Variants in HLCS observed in about 807,000 individuals in gnomAD.
HLCS encodes the protein holocarboxylase synthetase, also known as biotin--protein ligase.
HLCS carries 53 observed loss-of-function variants against 75.0 expected under a neutral mutation model. The ratio of observed to expected loss-of-function variants is 0.71; its 90% CI spans 0.57 to 0.89. HLCS has a LOEUF of 0.89. Among genes scored for constraint, HLCS ranks in the 40% least tolerant of loss-of-function variants. HLCS has a pLI of 0.00. For synonymous variants in HLCS, 431 were observed against 428.6 expected, an observed-to-expected ratio of 1.01 and a Z score of -0.07; for missense variants, 966 against 1,074.0, an observed-to-expected ratio of 0.90 and a Z score of 1.41.
chr21:36,961,249 G>A (rs1467376435), intron 2 of HLCS, among the ~76,000 whole-genome samples: 1 of 152,218 alleles, frequency 6.6e-6, no homozygotes, highest in Admixed American at 6.5e-5. Flanking sequence ...AGCCACTCAG[G>A]TTGATTTAGG....
chr21:36,785,085 A>ATGCCC (rs1358202981), intron 6 of HLCS, among the ~76,000 whole-genome samples: 2 of 152,038 alleles, frequency 1.3e-5, no homozygotes, highest in Non-Finnish European at 2.9e-5. Flanking sequence ...ACAAGGAAGA[A>ATGCCC]TGCCCTGCCC....
In HLCS at chr21:36,850,015, T is replaced by TA. The variant is rs2062934308; in HGVS notation, c.1892+46844_1892+46845insT. 5.9e-5 allele frequency among the ~76,000 whole-genome samples: 9 copies of TA among 152,284 alleles called. 1 individual carries two copies. The South Asian group carries it at 1.9e-3, about 32-fold the overall frequency. On this transcript the variant is annotated intron_variant, in intron 6 of 10. Coordinates refer to ENST00000674895, the MANE Select transcript of HLCS (RefSeq NM_001352514.2). ...ATTTTGTTCCTTTCAACTTTCTTCT[T>TA]TTCATGCCCAACTCCCCTCCCTAAA...
chr21:36,909,633 C>T lies in HLCS; in HGVS notation c.1621-12502G>A, dbSNP rs561501710. 4.5e-4 allele frequency among the ~76,000 whole-genome samples: 68 copies of T among 152,236 alleles called. No homozygotes were observed. The South Asian group carries it at 0.011, about 25-fold the overall frequency. ...TTGGAGGCAGCGTCTTGCTTTGTTGCCCAGGCTGGAGTGCAATGACGTGAT... is the reference window on the plus strand; with the variant it reads ...TTGGAGGCAGCGTCTTGCTTTGTTGTCCAGGCTGGAGTGCAATGACGTGAT... On this transcript the variant is annotated intron_variant, in intron 5 of 10. Coordinates refer to ENST00000674895, the MANE Select transcript of HLCS (RefSeq NM_001352514.2).
At chr21:36,827,901 C>T (rs1427440650) in intron 6 of HLCS, among the ~76,000 whole-genome samples, 1 of 151,284 alleles carries the variant, frequency 6.6e-6, no homozygotes, top group African/African-American at 2.4e-5. Context: ...GCAAGCTCCA[C>T]CTCCCGGGTT....
At chr21:36,830,485 G>A (rs1336087716) in intron 6 of HLCS, among the ~76,000 whole-genome samples, 2 of 152,124 alleles carry the variant, frequency 1.3e-5, no homozygotes, top group Non-Finnish European at 2.9e-5. Context: ...CTTAGCAGCA[G>A]GGAGCTCTGT....
Position 36,756,674 on chromosome 21 carries a change from G to T in HLCS, c.2318C>A (p.Ala773Glu). The change falls in exon 10 of 11, where the codon GCA becomes GAA. Residue 773 changes from alanine to glutamate, a missense_variant. Coordinates refer to ENST00000674895, the MANE Select transcript of HLCS (RefSeq NM_001352514.2). ...ATCGGCTCTTAAGGGCTTCAGTTCT[G>T]CCTTGTGTTGTTTATTGTATTCTGT... Reference protein sequence around the residue: ...LITEYNKQHKAELKPLRADYL... With the variant: ...LITEYNKQHKEELKPLRADYL... 1 of 1,614,092 alleles carries T rather than the reference G, an allele frequency of 6.2e-7. No homozygotes were observed. Among genetic ancestry groups the T allele is most frequent in the South Asian group, 1.1e-5 (1 of 91,072 alleles).
intron 6 of HLCS, among the ~76,000 whole-genome samples, chr21:36,835,978 C>A (rs142654981): frequency 6.6e-6 from 1 of 152,028 alleles, no homozygotes; most frequent in Non-Finnish European, 1.5e-5. Flanking sequence ...ACCACCCTGC[C>A]CACAACTAAC....
At chr21:36,874,030 A>C (rs1391470801) in intron 6 of HLCS, among the ~76,000 whole-genome samples, 1 of 152,188 alleles carries the variant, frequency 6.6e-6, no homozygotes, top group Non-Finnish European at 1.5e-5. Context: ...ACGATTTTTC[A>C]CTTCTGTATT....
chr21:36,788,922 A>C (rs184008744), intron 6 of HLCS, among the ~76,000 whole-genome samples: 1 of 152,332 alleles, frequency 6.6e-6, no homozygotes, highest in African/African-American at 2.4e-5. Flanking sequence ...GGAAAGTTCT[A>C]GTGGGTAAGA....
intron 2 of HLCS, among the ~76,000 whole-genome samples, chr21:36,950,892 A>G (rs2067640692): frequency 6.6e-6 from 1 of 152,146 alleles, no homozygotes; most frequent in African/African-American, 2.4e-5. Flanking sequence ...AATATCTCCA[A>G]CAAAGCACCT....
At chr21:36,789,527 G>A (rs1858544113) in intron 6 of HLCS, among the ~76,000 whole-genome samples, 1 of 152,118 alleles carries the variant, frequency 6.6e-6, no homozygotes, top group South Asian at 2.1e-4. Context: ...CATGTAATCT[G>A]TATCAAGACA....
intron 5 of HLCS, among the ~76,000 whole-genome samples, chr21:36,921,524 T>C (rs761427533): frequency 1.3e-5 from 2 of 152,324 alleles, no homozygotes; most frequent in South Asian, 2.1e-4. Context: ...AGGAGGCAGG[T>C]TGAATTAAAC....
chr21:36,876,876 C>G (rs571508284), intron 6 of HLCS, among the ~76,000 whole-genome samples: 1 of 152,264 alleles, frequency 6.6e-6, no homozygotes, highest in East Asian at 1.9e-4. Flanking sequence ...TGACGGTGGA[C>G]TTCTCTATTT....
rs888419691 is a variant in HLCS at position 36,966,475 on chromosome 21, C to G, written c.164G>C (p.Gly55Ala). Reference protein sequence around the residue: ...PPGARVCLSRGGRVFCVSDSQ... With the variant: ...PPGARVCLSRAGRVFCVSDSQ... ...GTCGCTGACGCAGAAGACGCGGCCG[C>G]CACGGCTCAGGCACACGCGGGCGCC... Residue 55 changes from glycine to alanine, a missense_variant, in exon 1 of 11, where the codon GGC (glycine) becomes GCC (alanine). Coordinates refer to ENST00000674895, the MANE Select transcript of HLCS (RefSeq NM_001352514.2). 2 of 984,494 alleles carry G rather than the reference C, an allele frequency of 2.0e-6. No homozygotes were observed. Among genetic ancestry groups the G allele is most frequent in the African/African-American group, 3.5e-5 (2 of 56,948 alleles). The allele number at this position is 984,494 out of a possible 1,614,324, so 61.0% of individuals were successfully genotyped here. A position where few individuals can be genotyped will look rare whatever the true frequency, so the allele number is the denominator to read the frequency against.
At chr21:36,851,666 A>G (rs1251349444) in intron 6 of HLCS, among the ~76,000 whole-genome samples, 1 of 152,244 alleles carries the variant, frequency 6.6e-6, no homozygotes, top group Non-Finnish European at 1.5e-5. Flanking sequence ...TTAAATAACT[A>G]AAAGAATATA....
intron 1 of HLCS, among the ~76,000 whole-genome samples, chr21:36,978,755 G>T (rs761758801): frequency 6.6e-6 from 1 of 152,156 alleles, no homozygotes; most frequent in Non-Finnish European, 1.5e-5. Flanking sequence ...GAATGTACGT[G>T]TCACCGAGCA....
At chr21:36,778,827 T>C (rs1215983873) in intron 6 of HLCS, among the ~76,000 whole-genome samples, 2 of 152,196 alleles carry the variant, frequency 1.3e-5, no homozygotes, top group Non-Finnish European at 2.9e-5. Context: ...GAATGCTCCT[T>C]CAGTCTGGCT....
chr21:36,933,551 C>CAAA (rs66614497), intron 4 of HLCS, among the ~76,000 whole-genome samples: 14 of 84,018 alleles, frequency 1.7e-4, no homozygotes, highest in South Asian at 9.3e-4. Flanking sequence ...AACTCCGTCT[C>CAAA]AAAAAAAAAA....
chr21:36,807,311 C>T (rs1358081795), intron 6 of HLCS, among the ~76,000 whole-genome samples: 1 of 152,022 alleles, frequency 6.6e-6, no homozygotes, highest in Non-Finnish European at 1.5e-5. Flanking sequence ...AGGCGAGCCT[C>T]CTGAAATGAT....
Sources: allele counts gnomAD v4.1 joint callset (sites outside exome capture counted in the v4.1 genomes callset), GRCh38; gene constraint gnomAD v4.1.1; transcripts MANE v1.5; gene names NCBI Gene and HGNC (gene_info 2026-07-23, HGNC 2026-07-21).